KLHL7: variants seen among roughly 807,000 people sequenced by gnomAD.
KLHL7 encodes kelch-like protein 7.
KLHL7 carries 44 observed loss-of-function variants against 67.4 expected under a neutral mutation model. That is an observed-to-expected ratio of 0.65 (90% CI 0.51 to 0.84). The LOEUF is 0.84. Ranked by LOEUF, KLHL7 falls within the 40% of genes least tolerant of loss-of-function variation. The probability of loss-of-function intolerance (pLI) is 0.00; values close to 1 mark genes in which losing one functional copy is unlikely to be tolerated. For missense variants in KLHL7, 362 were observed against 718.1 expected (o/e 0.50, Z 5.67); for synonymous variants, 252 against 243.3 (o/e 1.04, Z -0.33).
chr7:23,156,059 T>C, intron 7 of KLHL7: 1 of 461,458 alleles, frequency 2.2e-6, no homozygotes, highest in Non-Finnish European at 4.4e-6. Flanking sequence ...TTCTCATTTG[T>C]TGTCTTGCCT....
At chr7:23,139,315 G>A (rs954954451) in intron 4 of KLHL7, among the ~76,000 whole-genome samples, 3 of 152,186 alleles carry the variant, frequency 2.0e-5, no homozygotes, top group Non-Finnish European at 4.4e-5. Flanking sequence ...TCATTTCAAT[G>A]TCAAGAAATC....
At chr7:23,166,855 T>C (rs1441236520) in intron 8 of KLHL7, among the ~76,000 whole-genome samples, 3 of 152,114 alleles carry the variant, frequency 2.0e-5, no homozygotes, top group Non-Finnish European at 4.4e-5. Context: ...TTAGCTTAAG[T>C]AGTAGTTTTT....
At chr7:23,118,885 A>G (rs572316365) in intron 1 of KLHL7, among the ~76,000 whole-genome samples, 75 of 152,070 alleles carry the variant, frequency 4.9e-4, no homozygotes, top group Non-Finnish European at 1.0e-3. Flanking sequence ...CAGCCTGGGC[A>G]ACACAGTGAG....
intron 4 of KLHL7, 187 bp from the exon 5 acceptor site, chr7:23,140,582 A>G (rs1018221907): frequency 2.5e-5 from 17 of 680,590 alleles, no homozygotes; most frequent in Non-Finnish European, 4.4e-5. Context: ...AAAAAACAAA[A>G]AAAAAACCAG....
intron 1 of KLHL7, among the ~76,000 whole-genome samples, chr7:23,120,396 T>A (rs910445385): frequency 3.3e-5 from 5 of 151,870 alleles, no homozygotes; most frequent in South Asian, 2.1e-4. Context: ...TTCTTAAAAA[T>A]TTTTTTTTGT....
At position 23,144,100 on chromosome 7, in the gene KLHL7, G is replaced by C; in HGVS notation, c.793+75G>C. On this transcript the variant is annotated intron_variant, in intron 6 of 10. Transcript: ENST00000339077. ...CATGGGCTTAAAACCCTTTAGAATG[G>C]ATTAGACTCAGTAGCCAGGGAGAAA... 3 of 1,239,464 alleles carry C rather than the reference G, an allele frequency of 2.4e-6. No homozygotes were observed. The South Asian group carries it at 3.6e-5, about 15-fold the overall frequency. The allele number at this position is 1,239,464 out of a possible 1,614,324, so 76.8% of individuals were successfully genotyped here. A position where few individuals can be genotyped will look rare whatever the true frequency, so the allele number is the denominator to read the frequency against.
chr7:23,157,089 G>A (rs978424634), intron 7 of KLHL7, among the ~76,000 whole-genome samples: 1 of 152,162 alleles, frequency 6.6e-6, no homozygotes, highest in Non-Finnish European at 1.5e-5. Flanking sequence ...GAAATCAGCA[G>A]TTATAAATTG....
intron 7 of KLHL7, among the ~76,000 whole-genome samples, chr7:23,161,816 T>C (rs184417805): frequency 5.3e-5 from 8 of 152,236 alleles, no homozygotes; most frequent in Non-Finnish European, 1.0e-4. Flanking sequence ...ATGGATGATA[T>C]ATACTTTTCT....
chr7:23,126,684 C>T (rs1187795743), intron 4 of KLHL7, among the ~76,000 whole-genome samples: 3 of 152,068 alleles, frequency 2.0e-5, no homozygotes, highest in African/African-American at 4.8e-5. Flanking sequence ...TCCTGCATAC[C>T]CCCTCACTGT....
At chr7:23,151,727 G>A (rs1784543520) in intron 6 of KLHL7, among the ~76,000 whole-genome samples, 1 of 152,160 alleles carries the variant, frequency 6.6e-6, no homozygotes, top group Non-Finnish European at 1.5e-5. Context: ...TGATTCTAAT[G>A]TAAAGATCAA....
chr7:23,119,392 A>G (rs905833180), intron 1 of KLHL7, among the ~76,000 whole-genome samples: 3 of 152,116 alleles, frequency 2.0e-5, no homozygotes, highest in African/African-American at 7.2e-5. Flanking sequence ...TTTACTAGAG[A>G]CAGGGTTTCG....
chr7:23,162,547 T>C (rs763695504), intron 7 of KLHL7, among the ~76,000 whole-genome samples: 90 of 152,236 alleles, frequency 5.9e-4, no homozygotes, highest in Non-Finnish European at 1.1e-3. Context: ...TAAGTGACCC[T>C]AATTGAGATC....
At chr7:23,151,449 C>G (rs1176249801) in intron 6 of KLHL7, among the ~76,000 whole-genome samples, 2 of 152,186 alleles carry the variant, frequency 1.3e-5, no homozygotes, top group Non-Finnish European at 2.9e-5. Context: ...TCATCTAAGA[C>G]AGTGCTTCTC....
At position 23,161,807 on chromosome 7, in the gene KLHL7, T is replaced by G. The variant is rs549919993; in HGVS notation, c.937-3891T>G. ...GAGTCAAAAATGAGGGTGGCCCTAA[T>G]GGATGATATATACTTTTCTACAAAT... On this transcript the variant is annotated intron_variant, in intron 7 of 10. Transcript: ENST00000339077. Among the ~76,000 whole-genome samples, 83 of 152,344 alleles carry G rather than the reference T, an allele frequency of 5.4e-4. No individual in the cohort carries two copies. In the South Asian group the frequency reaches 7.0e-3, roughly 13 times the overall value.
chr7:23,136,898 A>AT (rs1783997369), intron 4 of KLHL7, among the ~76,000 whole-genome samples: 1 of 152,224 alleles, frequency 6.6e-6, no homozygotes, highest in Admixed American at 6.5e-5. Flanking sequence ...TTCCAAATAA[A>AT]TGTATTTATT....
intron 4 of KLHL7, chr7:23,125,615 C>T: frequency 1.1e-6 from 1 of 942,866 alleles, no homozygotes; most frequent in Non-Finnish European, 1.5e-6. Context: ...TAATTCTTAG[C>T]TACTACACCT....
intron 7 of KLHL7, among the ~76,000 whole-genome samples, chr7:23,162,787 A>G (rs967218762): frequency 6.6e-6 from 1 of 152,188 alleles, no homozygotes; most frequent in African/African-American, 2.4e-5. Context: ...TATATCAAAT[A>G]ATGGCTTAAG....
intron 4 of KLHL7, among the ~76,000 whole-genome samples, chr7:23,138,602 A>G (rs1784069294): frequency 6.6e-6 from 1 of 151,914 alleles, no homozygotes; most frequent in African/African-American, 2.4e-5. Context: ...CAGTGGCCCA[A>G]TCTCAGCTCA....
At chr7:23,121,421 C>T (rs1271703506) in intron 1 of KLHL7, among the ~76,000 whole-genome samples, 2 of 152,014 alleles carry the variant, frequency 1.3e-5, no homozygotes, top group African/African-American at 4.8e-5. Flanking sequence ...CCCCCACCTC[C>T]AGTCACTGGG....
Sources: gnomAD v4.1 joint callset for allele counts (sites outside exome capture counted in the v4.1 genomes callset) on GRCh38, gnomAD v4.1.1 for gene constraint, MANE v1.5 for transcripts, NCBI Gene and HGNC (gene_info 2026-07-23, HGNC 2026-07-21) for gene names.